Variants in PTGIS observed in about 807,000 individuals in gnomAD.
PTGIS encodes the protein prostacyclin synthase.
PTGIS carries 45 observed loss-of-function variants against 50.3 expected under a neutral mutation model. That is an observed-to-expected ratio of 0.90 (90% confidence interval 0.70 to 1.15). The LOEUF is 1.15. PTGIS is among the 50% of genes most tolerant of loss of function. The pLI, the probability that PTGIS is intolerant of heterozygous loss-of-function variation, is 0.00. For synonymous variants in PTGIS, 260 were observed against 267.7 expected (o/e 0.97, Z 0.28); for missense variants, 668 against 661.3 (o/e 1.01, Z -0.11).
At chr20:49,563,762 G>A (rs1748342461) in intron 1 of PTGIS, among the ~76,000 whole-genome samples, 1 of 152,214 alleles carries the variant, frequency 6.6e-6, no homozygotes, top group Non-Finnish European at 1.5e-5. Flanking sequence ...TCTGCATCCT[G>A]CAAGGGCCCA....
chr20:49,559,418 G>A (rs1019009108), intron 1 of PTGIS, among the ~76,000 whole-genome samples: 2 of 152,024 alleles, frequency 1.3e-5, no homozygotes, highest in Non-Finnish European at 2.9e-5. Flanking sequence ...TTGCTTTCAC[G>A]TTACTCTGTG....
At chr20:49,541,899 C>T (rs1412112455) in intron 4 of PTGIS, among the ~76,000 whole-genome samples, 2 of 152,066 alleles carry the variant, frequency 1.3e-5, no homozygotes, top group Non-Finnish European at 2.9e-5. Context: ...GACCCACAGG[C>T]GGCGCTAGAG....
At chr20:49,518,854 T>C (rs762132819) in intron 6 of PTGIS, among the ~76,000 whole-genome samples, 14 of 152,172 alleles carry the variant, frequency 9.2e-5, no homozygotes, top group Non-Finnish European at 1.9e-4. Flanking sequence ...CGATGATCAC[T>C]ATCTCAGCGG....
chr20:49,568,016 C>T, intron 1 of PTGIS, 27 bp downstream of exon 1: 1 of 1,469,820 alleles, frequency 6.8e-7, no homozygotes, highest in South Asian at 1.3e-5. Context: ...CTTTGTCTGG[C>T]GGGGCCGAGC....
chr20:49,512,638 T>G (rs1427781421), intron 8 of PTGIS, among the ~76,000 whole-genome samples: 2 of 152,154 alleles, frequency 1.3e-5, no homozygotes, highest in Non-Finnish European at 2.9e-5. Flanking sequence ...AAGGCAAAAG[T>G]GTTGAGAAAC....
intron 9 of PTGIS, 79 bp from the exon 10 acceptor site, chr20:49,508,143 G>T: frequency 6.6e-7 from 1 of 1,524,164 alleles, no homozygotes; most frequent in Non-Finnish European, 9.0e-7. Flanking sequence ...GGGAGCCATG[G>T]CTGCCTCCTA....
intron 5 of PTGIS, among the ~76,000 whole-genome samples, chr20:49,538,460 A>G (rs541903976): frequency 4.3e-4 from 66 of 152,140 alleles, no homozygotes; most frequent in African/African-American, 1.5e-3. Context: ...TGATCCATAC[A>G]ACAACCTGGA....
chr20:49,567,973 C>T (rs1325125067), intron 1 of PTGIS, 70 bp downstream of exon 1: 26 of 1,399,404 alleles, frequency 1.9e-5, no homozygotes, highest in Non-Finnish European at 2.2e-5. Context: ...GGCTCCGAGA[C>T]CCTTGGGCTG....
intron 5 of PTGIS, among the ~76,000 whole-genome samples, chr20:49,530,463 A>G (rs1981908647): frequency 6.6e-6 from 1 of 152,218 alleles, no homozygotes; most frequent in East Asian, 1.9e-4. Context: ...TTGCTGGATC[A>G]TGTGGTAGCT....
intron 6 of PTGIS, among the ~76,000 whole-genome samples, chr20:49,519,180 C>T (rs1410270157): frequency 1.3e-5 from 2 of 151,828 alleles, no homozygotes; most frequent in Non-Finnish European, 2.9e-5. Context: ...CTCCTCTTCC[C>T]CTTGCCTGGA....
chr20:49,539,456 G>T, intron 5 of PTGIS, 114 bp downstream of exon 5: 1 of 1,243,452 alleles, frequency 8.0e-7, no homozygotes, highest in Non-Finnish European at 1.1e-6. Context: ...CTGCCTCCCT[G>T]GGCATTGGAT....
At chr20:49,557,836 C>A (rs1444350245) in intron 1 of PTGIS, among the ~76,000 whole-genome samples, 3 of 152,282 alleles carry the variant, frequency 2.0e-5, no homozygotes, top group Middle Eastern at 3.4e-3. Context: ...TTGACTATCG[C>A]CCTACCCGTT....
At position 49,510,974 on chromosome 20, in the gene PTGIS, CT is replaced by C. The variant is rs1981301392; in HGVS notation, c.1358+53del. The C allele has an allele frequency of 1.9e-6, 3 of 1,579,954 alleles. No homozygotes were observed. The African/African-American group carries it at 4.0e-5, about 21-fold the overall frequency. ...CCTCAGTCCCAGGAGAGAAGGGCGC[CT>C]GCCAACCAGGGGATCAGGAGCCACC... On this transcript the variant is annotated intron_variant, in intron 9 of 9. Transcript: ENST00000244043.
chr20:49,551,914 T>G (rs1982521101), intron 1 of PTGIS, among the ~76,000 whole-genome samples: 1 of 151,942 alleles, frequency 6.6e-6, no homozygotes. Context: ...TTCTTCCCAG[T>G]CGACTGAATT....
intron 1 of PTGIS, among the ~76,000 whole-genome samples, chr20:49,553,479 A>T (rs539889186): frequency 1.3e-5 from 2 of 152,192 alleles, no homozygotes; most frequent in Non-Finnish European, 2.9e-5. Flanking sequence ...AAACTATTTT[A>T]AAAAATTAAT....
chr20:49,509,950 G>A (rs1304387259), intron 9 of PTGIS, among the ~76,000 whole-genome samples: 3 of 138,104 alleles, frequency 2.2e-5, no homozygotes, highest in Non-Finnish European at 4.6e-5. Context: ...GTGCAACGGC[G>A]CAATCTTGGC....
rs1023170967 is a variant in PTGIS, at chr20:49,505,359, A to C, written c.*2561T>G. The C allele has an allele frequency of 3.3e-5, 5 of 152,150 alleles. No individual in the cohort carries two copies. Among genetic ancestry groups the C allele is most frequent in the African/African-American group, 1.2e-4 (5 of 41,422 alleles). 9.4% of individuals were successfully genotyped at this position (152,150 alleles called of 1,614,324 possible). On this transcript the variant is annotated 3_prime_UTR_variant, in exon 10 of 10. Transcript: ENST00000244043. ...TTTTAAAGAGAAAAATAACGATTAA[A>C]ACAAGGGCAGGTTTAAATAATCGTC...
At chr20:49,545,732 GGGGTGTC>G (rs1209516218) in intron 3 of PTGIS, among the ~76,000 whole-genome samples, 14 of 152,200 alleles carry the variant, frequency 9.2e-5, no homozygotes, top group Admixed American at 8.5e-4. Context: ...CAAGTGAAGT[GGGGTGTC>G]CATGGGCGGT....
At chr20:49,543,776 C>T (rs1982289295) in intron 4 of PTGIS, among the ~76,000 whole-genome samples, 1 of 152,196 alleles carries the variant, frequency 6.6e-6, no homozygotes, top group South Asian at 2.1e-4. Context: ...GTGTTTATCA[C>T]TCTCTGACAT....
Sources: allele counts gnomAD v4.1 joint callset (sites outside exome capture counted in the v4.1 genomes callset), GRCh38; gene constraint gnomAD v4.1.1; transcripts MANE v1.5; gene names NCBI Gene and HGNC (gene_info 2026-07-23, HGNC 2026-07-21).